DTNA: variants seen among roughly 807,000 people sequenced by gnomAD.
DTNA encodes dystrobrevin alpha.
Under a neutral mutation model 100.7 loss-of-function variants are expected in DTNA, and 43 were observed. That is an observed-to-expected ratio of 0.43 (90% confidence interval 0.33 to 0.55). The LOEUF is 0.55. Among genes scored for constraint, DTNA ranks in the 20% least tolerant of loss-of-function variants. The pLI, the probability that DTNA is intolerant of heterozygous loss-of-function variation, is 0.04. For missense variants in DTNA, 798 were observed against 953.9 expected (o/e 0.84, Z 2.15); for synonymous variants, 349 against 347.9 (o/e 1.00, Z -0.04).
At chr18:34,800,820 A>T (rs1375601522) in intron 4 of DTNA, among the ~76,000 whole-genome samples, 1 of 152,330 alleles carries the variant, frequency 6.6e-6, no homozygotes, top group East Asian at 1.9e-4. Flanking sequence ...TGTACTTAGC[A>T]TCCAGCCCTA....
At chr18:34,845,889 G>A (rs1401763444) in intron 13 of DTNA, among the ~76,000 whole-genome samples, 1 of 152,036 alleles carries the variant, frequency 6.6e-6, no homozygotes, top group African/African-American at 2.4e-5. Flanking sequence ...AATCCACTGG[G>A]ATTGATACTA....
At chr18:34,740,336 G>A (rs946243319) in intron 1 of DTNA, among the ~76,000 whole-genome samples, 1 of 152,108 alleles carries the variant, frequency 6.6e-6, no homozygotes, top group Admixed American at 6.6e-5. Flanking sequence ...GTACCCCCTG[G>A]GAAAAAGGCT....
At position 34,645,011 on chromosome 18, in the gene DTNA, C is replaced by T. The variant is rs192681167; in HGVS notation, c.-1-110965C>T. Among the ~76,000 whole-genome samples, 47 of 152,092 alleles carry T rather than the reference C, an allele frequency of 3.1e-4. 1 individual carries two copies. In the East Asian group the frequency reaches 8.1e-3, roughly 26 times the overall value. ...TCCTTAGTGCACATTTGTAAGGTAACGACAAACTGAATCTTTAATAATGAT... is the reference window on the plus strand; with the variant it reads ...TCCTTAGTGCACATTTGTAAGGTAATGACAAACTGAATCTTTAATAATGAT... On this transcript the variant is annotated intron_variant, in intron 1 of 19. Coordinates refer to the DTNA transcript ENST00000283365.
chr18:34,885,942 T>C (rs2096917682), intron 22 of DTNA, among the ~76,000 whole-genome samples: 1 of 152,192 alleles, frequency 6.6e-6, no homozygotes, highest in Non-Finnish European at 1.5e-5. Flanking sequence ...TCCGTAAGTC[T>C]AGATTTTTTC....
intron 1 of DTNA, among the ~76,000 whole-genome samples, chr18:34,575,154 T>G (rs1177775760): frequency 6.6e-6 from 1 of 152,238 alleles, no homozygotes; most frequent in Non-Finnish European, 1.5e-5. Flanking sequence ...TTTTGAAGTT[T>G]CATTTTGATA....
At chr18:34,818,354 T>A (rs1338627319) in intron 8 of DTNA, 24 bp downstream of exon 8, 2 of 1,611,628 alleles carry the variant, frequency 1.2e-6, no homozygotes. Flanking sequence ...CAGGCAATAC[T>A]TGGAGTTGGA....
intron 3 of DTNA, chr18:34,767,761 A>G (rs1369554900): frequency 1.3e-5 from 2 of 152,166 alleles, no homozygotes; most frequent in East Asian, 3.9e-4. Flanking sequence ...CACATGACCA[A>G]TCACCTCTTA....
At chr18:34,651,000 A>T (rs1284400374) in intron 1 of DTNA, among the ~76,000 whole-genome samples, 1 of 152,212 alleles carries the variant, frequency 6.6e-6, no homozygotes, top group African/African-American at 2.4e-5. Flanking sequence ...TGAAACAACA[A>T]TAGATTTCTA....
chr18:34,754,642 G>C (rs8090679), intron 1 of DTNA, among the ~76,000 whole-genome samples: 3,524 of 152,136 alleles, frequency 0.023, 61 homozygotes, highest in Non-Finnish European at 0.036. Flanking sequence ...ATTTTTAATT[G>C]TCAGATAATT....
chr18:34,853,778 A>G (rs2096517366), intron 15 of DTNA, among the ~76,000 whole-genome samples: 1 of 152,354 alleles, frequency 6.6e-6, no homozygotes, highest in Non-Finnish European at 1.5e-5. Flanking sequence ...TTATAAAAAA[A>G]AATAGCCATA....
chr18:34,701,086 A>G (rs536690909), intron 1 of DTNA, among the ~76,000 whole-genome samples: 1 of 152,266 alleles, frequency 6.6e-6, no homozygotes, highest in South Asian at 2.1e-4. Flanking sequence ...TCAGCAGGTA[A>G]ATATTTTTAA....
intron 1 of DTNA, among the ~76,000 whole-genome samples, chr18:34,657,927 A>G (rs894156942): frequency 6.6e-6 from 1 of 152,220 alleles, no homozygotes; most frequent in Non-Finnish European, 1.5e-5. Context: ...ACTATTAATG[A>G]AACCTCTGCT....
At chr18:34,811,472 A>AT (rs35620481) in intron 5 of DTNA, among the ~76,000 whole-genome samples, 63,591 of 152,076 alleles carry the variant, frequency 0.42, 16,035 homozygotes, top group African/African-American at 0.71. Context: ...CGTGTCTTTG[A>AT]TTTTCAAATA....
At chr18:34,566,706 A>T (rs546620629) in intron 1 of DTNA, among the ~76,000 whole-genome samples, 55 of 152,314 alleles carry the variant, frequency 3.6e-4, no homozygotes, top group African/African-American at 1.2e-3. Flanking sequence ...CTGTAATTCT[A>T]ACTCTGATCT....
At chr18:34,607,085 C>T (rs967070530) in intron 1 of DTNA, among the ~76,000 whole-genome samples, 1 of 152,170 alleles carries the variant, frequency 6.6e-6, no homozygotes, top group Admixed American at 6.5e-5. Context: ...CAAGTATTTG[C>T]ATTTTACTTC....
chr18:34,574,046 C>G (rs2047865084), intron 1 of DTNA: 1 of 154,776 alleles, frequency 6.5e-6, no homozygotes, highest in African/African-American at 2.4e-5. Flanking sequence ...TCTGCCAGTT[C>G]TTCTAGAGCA....
chr18:34,543,318 T>G (rs977836014), intron 1 of DTNA, among the ~76,000 whole-genome samples: 5 of 152,026 alleles, frequency 3.3e-5, no homozygotes, highest in African/African-American at 1.2e-4. Context: ...CAATACATAA[T>G]TTCTCCAAAA....
At chr18:34,700,006 A>G (rs927265542) in intron 1 of DTNA, among the ~76,000 whole-genome samples, 4 of 152,194 alleles carry the variant, frequency 2.6e-5, no homozygotes, top group African/African-American at 9.7e-5. Flanking sequence ...TTCAATTAAT[A>G]GTTAAGGAGA....
chr18:34,779,652 T>C (rs756328417), intron 3 of DTNA, among the ~76,000 whole-genome samples: 6 of 152,150 alleles, frequency 3.9e-5, no homozygotes, highest in Non-Finnish European at 5.9e-5. Flanking sequence ...CTCCCTTTCT[T>C]CCCTTTTCAA....
Sources: allele counts gnomAD v4.1 joint callset (sites outside exome capture counted in the v4.1 genomes callset), GRCh38; gene constraint gnomAD v4.1.1; transcripts MANE v1.5; gene names NCBI Gene and HGNC (gene_info 2026-07-23, HGNC 2026-07-21).